The following MAGI2 variants were observed in gnomAD, a reference collection of about 807,000 sequenced individuals.
The protein encoded by MAGI2 is membrane-associated guanylate kinase, WW and PDZ domain-containing protein 2.
MAGI2 carries 35 observed loss-of-function variants against 133.3 expected under a neutral mutation model. That is an observed-to-expected ratio of 0.26 (90% CI 0.20 to 0.35). The LOEUF is 0.35. MAGI2 is among the 10% of genes least tolerant of loss of function. MAGI2 has a pLI of 1.00. For missense variants in MAGI2, 1,636 were observed against 1,863.4 expected, an observed-to-expected ratio of 0.88 and a Z score of 2.25; for synonymous variants, 729 against 710.6, an observed-to-expected ratio of 1.03 and a Z score of -0.41.
At chr7:79,403,840 A>G (rs1845628141) in intron 1 of MAGI2, among the ~76,000 whole-genome samples, 1 of 152,196 alleles carries the variant, frequency 6.6e-6, no homozygotes, top group African/African-American at 2.4e-5. Context: ...ACTATATTGT[A>G]TAAAACAAAA....
chr7:78,598,220 A>G (rs549566273), intron 3 of MAGI2, among the ~76,000 whole-genome samples: 1 of 152,316 alleles, frequency 6.6e-6, no homozygotes, highest in East Asian at 1.9e-4. Context: ...CAAGGATTGT[A>G]TAGTCTAGTG....
intron 21 of MAGI2, among the ~76,000 whole-genome samples, chr7:78,052,524 C>G (rs963455333): frequency 6.6e-6 from 1 of 152,230 alleles, no homozygotes; most frequent in Non-Finnish European, 1.5e-5. Context: ...ATGACCCATC[C>G]TCAGGATTCC....
intron 2 of MAGI2, among the ~76,000 whole-genome samples, chr7:78,836,814 C>T (rs17389497): frequency 3.9e-5 from 6 of 151,930 alleles, no homozygotes; most frequent in African/African-American, 1.5e-4. Context: ...GGTGCTGAAC[C>T]CTGTATGCCG....
At chr7:79,187,083 C>G (rs1055848670) in intron 1 of MAGI2, among the ~76,000 whole-genome samples, 1 of 151,186 alleles carries the variant, frequency 6.6e-6, no homozygotes, top group Non-Finnish European at 1.5e-5. Flanking sequence ...TAAGTGACTA[C>G]TTGTGGGAAA....
intron 4 of MAGI2, among the ~76,000 whole-genome samples, chr7:78,517,462 G>A (rs1048534477): frequency 2.0e-5 from 3 of 151,982 alleles, no homozygotes; most frequent in Non-Finnish European, 4.4e-5. Context: ...ATCTCAACTC[G>A]CCAGTAAATA....
At position 78,034,943 on chromosome 7, in the gene MAGI2, T is replaced by C. The variant is rs965367969; in HGVS notation, c.3707-14967A>G. ...CACTCATTCATTCACCTGTTCAAGT[T>C]CTGTGCCTCCTGCGTGGTATTTGGG... On this transcript the variant is annotated intron_variant, in intron 21 of 21. Transcript: ENST00000354212. 3 of 152,352 alleles carry C rather than the reference T, an allele frequency of 2.0e-5. No homozygotes were observed. In the East Asian group the frequency reaches 5.8e-4, roughly 29 times the overall value. 9.4% of individuals were successfully genotyped at this position (152,352 alleles called of 1,614,324 possible). A position where few individuals can be genotyped will look rare whatever the true frequency, so the allele number is the denominator to read the frequency against.
intron 6 of MAGI2, among the ~76,000 whole-genome samples, chr7:78,481,805 C>T (rs570834007): frequency 1.3e-5 from 2 of 151,560 alleles, no homozygotes; most frequent in African/African-American, 4.8e-5. Flanking sequence ...TAAAACTATA[C>T]AATATTTAGA....
intron 2 of MAGI2, among the ~76,000 whole-genome samples, chr7:78,923,111 A>G (rs1420217739): frequency 6.6e-6 from 1 of 152,228 alleles, no homozygotes; most frequent in East Asian, 1.9e-4. Context: ...TCAGATGAGT[A>G]GGTTGCAAAA....
At chr7:79,337,247 C>A (rs906529491) in intron 1 of MAGI2, among the ~76,000 whole-genome samples, 1 of 152,070 alleles carries the variant, frequency 6.6e-6, no homozygotes, top group Admixed American at 6.6e-5. Context: ...AGTTTCCAAG[C>A]GATCTTTTTA....
chr7:78,783,690 G>A (rs1425805828), intron 2 of MAGI2, among the ~76,000 whole-genome samples: 2 of 152,182 alleles, frequency 1.3e-5, no homozygotes, highest in Non-Finnish European at 2.9e-5. Context: ...CTCTCAGGTT[G>A]AGGAACTCTC....
intron 1 of MAGI2, among the ~76,000 whole-genome samples, chr7:79,096,016 G>T (rs1178739824): frequency 9.2e-5 from 14 of 152,114 alleles, no homozygotes; most frequent in Non-Finnish European, 1.5e-5. Flanking sequence ...GTCCAGAGCA[G>T]GGGGCAGGGC....
intron 1 of MAGI2, among the ~76,000 whole-genome samples, chr7:79,058,323 C>G (rs1003202102): frequency 6.6e-6 from 1 of 152,028 alleles, no homozygotes; most frequent in African/African-American, 2.4e-5. Context: ...GCCAAGATAA[C>G]TAATACACTT....
At chr7:78,675,650 T>A (rs1814936871) in intron 2 of MAGI2, among the ~76,000 whole-genome samples, 1 of 152,120 alleles carries the variant, frequency 6.6e-6, no homozygotes, top group South Asian at 2.1e-4. Context: ...CACCTAGAAA[T>A]TCCTATGTTG....
chr7:78,922,314 G>T (rs1799312994), intron 2 of MAGI2, among the ~76,000 whole-genome samples: 1 of 151,702 alleles, frequency 6.6e-6, no homozygotes, highest in South Asian at 2.1e-4. Flanking sequence ...TTAGCATTAG[G>T]TATTTCTCCT....
rs543614671 is a variant in MAGI2, at chr7:79,382,423, A to G, written c.301+70597T>C. Among the ~76,000 whole-genome samples, 12 of 151,726 alleles carry G rather than the reference A, an allele frequency of 7.9e-5. No individual in the cohort carries two copies. The South Asian group carries it at 2.5e-3, about 31-fold the overall frequency. On this transcript the variant is annotated intron_variant, in intron 1 of 21. Transcript: ENST00000354212. ...AGGATGTAAATCTCATTGCATCATAACATCTAGGTTACATGTTACCAGACA... is the reference window on the plus strand; with the variant it reads ...AGGATGTAAATCTCATTGCATCATAGCATCTAGGTTACATGTTACCAGACA...
intron 1 of MAGI2, among the ~76,000 whole-genome samples, chr7:79,228,128 G>T (rs999476065): frequency 3.3e-5 from 5 of 151,824 alleles, no homozygotes; most frequent in Admixed American, 6.6e-5. Flanking sequence ...GAGATCACTT[G>T]AGGCCAGGAG....
chr7:78,065,719 A>G (rs898734424), intron 21 of MAGI2: 1 of 578,650 alleles, frequency 1.7e-6, no homozygotes. Flanking sequence ...AGAACCAGTA[A>G]CAAAGATATA....
intron 16 of MAGI2, among the ~76,000 whole-genome samples, chr7:78,137,885 C>A (rs1822323019): frequency 1.3e-5 from 2 of 151,302 alleles, no homozygotes; most frequent in Admixed American, 6.6e-5. Context: ...TTTCTTCCTA[C>A]CTCTTATGAG....
At chr7:78,603,324 TA>T (rs1255214848) in intron 3 of MAGI2, among the ~76,000 whole-genome samples, 4 of 152,288 alleles carry the variant, frequency 2.6e-5, no homozygotes, top group Admixed American at 2.6e-4. Flanking sequence ...AGGTTCCTCT[TA>T]AGTTAACATC....
Sources: allele counts gnomAD v4.1 joint callset (sites outside exome capture counted in the v4.1 genomes callset), GRCh38; gene constraint gnomAD v4.1.1; transcripts MANE v1.5; gene names NCBI Gene and HGNC (gene_info 2026-07-23, HGNC 2026-07-21).